NYAP2: variants seen among roughly 807,000 people sequenced by gnomAD.
NYAP2 encodes the protein neuronal tyrosine-phosphorylated phosphoinositide-3-kinase adaptor 2.
NYAP2 carries 23 observed loss-of-function variants against 50.4 expected under a neutral mutation model. The ratio of observed to expected loss-of-function variants is 0.46; its 90% CI spans 0.33 to 0.65. The LOEUF (loss-of-function observed/expected upper bound fraction) is 0.65, where lower values mean the gene tolerates loss of function less well. NYAP2 is among the 30% of genes least tolerant of loss of function. NYAP2 has a pLI of 0.02. For missense variants in NYAP2, 885 were observed against 861.0 expected, an observed-to-expected ratio of 1.03 and a Z score of -0.35; for synonymous variants, 394 against 365.2, an observed-to-expected ratio of 1.08 and a Z score of -0.90.
chr2:225,661,552 C>T, the NYAP2 span, among the ~76,000 whole-genome samples: 6 of 152,112 alleles, frequency 3.9e-5, no homozygotes, highest in African/African-American at 1.2e-4. Flanking sequence ...ATATTATACC[C>T]GTTTCACTGA....
chr2:225,408,968 G>A (rs750577611), exon 3 of NYAP2: 189 of 1,611,792 alleles, frequency 1.2e-4, no homozygotes, highest in Middle Eastern at 1.6e-4. Flanking sequence ...GGGGATGAAG[G>A]CCTATGATGG....
chr2:225,604,965 C>A (rs1458903601), intron 5 of NYAP2, among the ~76,000 whole-genome samples: 1 of 152,072 alleles, frequency 6.6e-6, no homozygotes, highest in Admixed American at 6.6e-5. Flanking sequence ...GTATTAGTAA[C>A]TGTGATTCCA....
chr2:225,518,151 T>A (rs1395255466), intron 4 of NYAP2, among the ~76,000 whole-genome samples: 3 of 151,634 alleles, frequency 2.0e-5, no homozygotes, highest in Non-Finnish European at 4.4e-5. Context: ...TACACACACA[T>A]ACATACAATA....
chr2:225,658,944 T>C (rs1039700686), downstream of NYAP2, among the ~76,000 whole-genome samples: 4 of 152,208 alleles, frequency 2.6e-5, no homozygotes, highest in African/African-American at 9.6e-5. Context: ...AGAATATTTG[T>C]GGGTCACTTT....
intron 3 of NYAP2, among the ~76,000 whole-genome samples, chr2:225,457,164 A>C (rs1374483078): frequency 1.3e-5 from 2 of 152,186 alleles, no homozygotes; most frequent in Non-Finnish European, 2.9e-5. Context: ...GAGTGAATGC[A>C]ATGTACATCC....
intron 5 of NYAP2, among the ~76,000 whole-genome samples, chr2:225,590,043 C>A (rs926886188): frequency 6.6e-6 from 1 of 152,158 alleles, no homozygotes; most frequent in Non-Finnish European, 1.5e-5. Context: ...TGAGCTATAC[C>A]CAGATACCTG....
chr2:225,522,353 G>A (rs1050763999), intron 4 of NYAP2, among the ~76,000 whole-genome samples: 1 of 152,038 alleles, frequency 6.6e-6, no homozygotes, highest in East Asian at 1.9e-4. Flanking sequence ...CTTTTGATTG[G>A]GATAGTTCTC....
chr2:225,401,716 C>T (rs1041697457), intron 2 of NYAP2, among the ~76,000 whole-genome samples: 3 of 151,804 alleles, frequency 2.0e-5, no homozygotes, highest in Non-Finnish European at 4.4e-5. Flanking sequence ...TCCAACTACT[C>T]AGCAATATTT....
At chr2:225,537,739 C>G (rs1380911813) in intron 4 of NYAP2, among the ~76,000 whole-genome samples, 3 of 152,112 alleles carry the variant, frequency 2.0e-5, no homozygotes, top group Non-Finnish European at 4.4e-5. Flanking sequence ...TCCCAACAGT[C>G]CCCCAAAGTC....
At chr2:225,610,782 A>G (rs895673465) in intron 5 of NYAP2, among the ~76,000 whole-genome samples, 1 of 152,174 alleles carries the variant, frequency 6.6e-6, no homozygotes, top group African/African-American at 2.4e-5. Flanking sequence ...GTCACCCTAA[A>G]GAATAAAATT....
chr2:225,463,767 G>C (rs374939523), intron 3 of NYAP2, among the ~76,000 whole-genome samples: 1 of 152,318 alleles, frequency 6.6e-6, no homozygotes, highest in East Asian at 1.9e-4. Context: ...AAGCACTGGG[G>C]TGATGAAGAG....
At chr2:225,669,684 C>CA in the NYAP2 span, among the ~76,000 whole-genome samples, 15 of 151,948 alleles carry the variant, frequency 9.9e-5, no homozygotes, top group East Asian at 3.9e-4. Context: ...AAGTGAATAA[C>CA]AAAAAAATCA....
At chr2:225,481,768 A>G (rs1690210679) in intron 3 of NYAP2, among the ~76,000 whole-genome samples, 1 of 152,126 alleles carries the variant, frequency 6.6e-6, no homozygotes. Context: ...TTGGGAGGCA[A>G]GGTTCCACCC....
At chr2:225,579,760 T>G (rs1032754329) in intron 4 of NYAP2, among the ~76,000 whole-genome samples, 7 of 152,242 alleles carry the variant, frequency 4.6e-5, no homozygotes, top group Non-Finnish European at 8.8e-5. Context: ...AATGCAGTGC[T>G]GCTACCTAGG....
exon 6 of NYAP2, chr2:225,626,970 T>C (rs1351319954): frequency 3.8e-6 from 6 of 1,586,506 alleles, no homozygotes; most frequent in Non-Finnish European, 4.3e-6. Context: ...ATTACCAAAG[T>C]TGGACAACAA....
chr2:225,416,771 T>A (rs2106124143), intron 3 of NYAP2, among the ~76,000 whole-genome samples: 1 of 152,296 alleles, frequency 6.6e-6, no homozygotes, highest in East Asian at 1.9e-4. Flanking sequence ...AGAAGCTCAG[T>A]ATCTGTTCTA....
chr2:225,502,749 G>A (rs1013366539), intron 3 of NYAP2, among the ~76,000 whole-genome samples: 4 of 152,126 alleles, frequency 2.6e-5, no homozygotes, highest in Non-Finnish European at 5.9e-5. Flanking sequence ...TTTGGTGGTT[G>A]TTAGGGCCCC....
At chr2:225,643,918 C>T (rs1487843236) in intron 6 of NYAP2, among the ~76,000 whole-genome samples, 2 of 150,352 alleles carry the variant, frequency 1.3e-5, no homozygotes, top group African/African-American at 5.0e-5. Flanking sequence ...GTGCATGTGT[C>T]TTTATAGCAG....
chr2:225,511,225 CCCCT>C (rs1690807707), intron 3 of NYAP2, among the ~76,000 whole-genome samples: 1 of 151,926 alleles, frequency 6.6e-6, no homozygotes, highest in Non-Finnish European at 1.5e-5. Context: ...ACCAAGACTG[CCCCT>C]CACGTCCACT....
Sources: gnomAD v4.1 joint callset for allele counts (sites outside exome capture counted in the v4.1 genomes callset) on GRCh38, gnomAD v4.1.1 for gene constraint, MANE v1.5 for transcripts, NCBI Gene and HGNC (gene_info 2026-07-23, HGNC 2026-07-21) for gene names.